The following PALM3 variants were observed in gnomAD, a reference collection of about 807,000 sequenced individuals.
PALM3 encodes the protein paralemmin 3.
In PALM3, 20 loss-of-function variants were observed where a neutral mutation model predicts 27.9. The ratio of observed to expected loss-of-function variants is 0.72; its 90% CI spans 0.50 to 1.04. The LOEUF (loss-of-function observed/expected upper bound fraction) is 1.04. Among genes scored for constraint, PALM3 ranks in the 50% least tolerant of loss-of-function variants. The pLI, the probability that PALM3 is intolerant of heterozygous loss-of-function variation, is 0.00. For synonymous variants in PALM3, 328 were observed against 352.7 expected (o/e 0.93, Z 0.79); for missense variants, 814 against 869.4 (o/e 0.94, Z 0.80).
chr19:14,055,294 T>A lies in PALM3; in HGVS notation c.446-68A>T. ...CAGGGTTAAGATGGAACAAAAGGAC[T>A]GCCATCCACACTCCCCTTGAGTCAC... On this transcript the variant is annotated intron_variant, in intron 6 of 6. Coordinates refer to ENST00000669674, the MANE Select transcript of PALM3 (RefSeq NM_001145028.2). The A allele has an allele frequency of 4.3e-6, 6 of 1,391,590 alleles. No individual in the cohort carries two copies. The African/African-American group carries it at 2.1e-4, about 48-fold the overall frequency. 86.2% of individuals were successfully genotyped at this position (1,391,590 alleles called of 1,614,324 possible).
At chr19:14,059,255 G>T (rs1466603451) in intron 1 of PALM3, 92 bp from the exon 2 acceptor site, 3 of 1,231,442 alleles carry the variant, frequency 2.4e-6, no homozygotes, top group Admixed American at 8.0e-5. Context: ...ATTGCCCCGA[G>T]CCCAGCACTT....
chr19:14,056,922 A>T, intron 3 of PALM3, 118 bp from the exon 4 acceptor site: 2 of 943,964 alleles, frequency 2.1e-6, no homozygotes, highest in Non-Finnish European at 3.0e-6. Context: ...ACCAGTTGCG[A>T]CATACATCAG....
intron 1 of PALM3, 144 bp downstream of exon 1, chr19:14,061,795 TG>T: frequency 4.1e-6 from 1 of 242,146 alleles, no homozygotes. Context: ...GATGAGCCTA[TG>T]GGGTTGGCTA....
intron 3 of PALM3, 29 bp from the exon 4 acceptor site, chr19:14,056,833 G>A: frequency 1.3e-6 from 2 of 1,525,772 alleles, no homozygotes; most frequent in Non-Finnish European, 1.8e-6. Context: ...TTGGGGCTGG[G>A]CATACAGACT....
chr19:14,059,426 A>G (rs1015944712), intron 1 of PALM3, among the ~76,000 whole-genome samples: 3 of 152,034 alleles, frequency 2.0e-5, no homozygotes, highest in Non-Finnish European at 4.4e-5. Flanking sequence ...ATGGGCAGGA[A>G]TAGCTTGACC....
Position 14,054,108 on chromosome 19 carries a change from C to G in PALM3, c.1564G>C (p.Glu522Gln). Reference sequence around the variant, plus strand: ...AGTGTCTCCTCCCCTCCCTTTCTCTCTGCCTCCAGTGGTTCTTTGGTTGCC... The same window carrying G: ...AGTGTCTCCTCCCCTCCCTTTCTCTGTGCCTCCAGTGGTTCTTTGGTTGCC... ...PEATKEPLEA[E>Q]RKGGEETLEA... Residue 522 changes from glutamate (E) to glutamine (Q), a missense_variant, in exon 7 of 7, where the codon GAG becomes CAG. Glu to Gln is a conservative substitution (Grantham distance 29). Transcript: ENST00000669674. 1.3e-6 allele frequency: 2 copies of G among 1,551,782 alleles called. No homozygotes were observed. Among genetic ancestry groups the G allele is most frequent in the South Asian group, 1.2e-5 (1 of 84,054 alleles).
intron 1 of PALM3, among the ~76,000 whole-genome samples, chr19:14,060,922 G>C (rs149340507): frequency 6.6e-6 from 1 of 152,096 alleles, no homozygotes. Flanking sequence ...CACCAAGCCC[G>C]GCTAATTTTT....
chr19:14,057,039 C>T, intron 3 of PALM3: 1 of 593,622 alleles, frequency 1.7e-6, no homozygotes, highest in South Asian at 2.1e-5. Context: ...AAATCAATGT[C>T]CCTCCCTACT....
chr19:14,061,241 G>A (rs552190528), intron 1 of PALM3, among the ~76,000 whole-genome samples: 2 of 152,304 alleles, frequency 1.3e-5, no homozygotes, highest in South Asian at 4.1e-4. Flanking sequence ...TTTGTAGTTG[G>A]TGAATAATGC....
intron 5 of PALM3, among the ~76,000 whole-genome samples, chr19:14,056,053 G>A (rs1976298330): frequency 6.6e-6 from 1 of 152,110 alleles, no homozygotes; most frequent in Non-Finnish European, 1.5e-5. Flanking sequence ...GGACTACAGG[G>A]ACACACCACC....
intron 1 of PALM3, among the ~76,000 whole-genome samples, chr19:14,061,610 A>G (rs1307359311): frequency 6.6e-6 from 1 of 152,064 alleles, no homozygotes; most frequent in Non-Finnish European, 1.5e-5. Flanking sequence ...TTAGGGGCAA[A>G]ACGTGGAACC....
At chr19:14,057,630 G>A (rs1158245575) in intron 2 of PALM3, 199 bp from the exon 3 acceptor site, 3 of 270,526 alleles carry the variant, frequency 1.1e-5, no homozygotes, top group African/African-American at 6.9e-5. Context: ...ACTCAGCGGC[G>A]GGCGGAGTGG....
chr19:14,060,104 A>G (rs1480886116), intron 1 of PALM3, among the ~76,000 whole-genome samples: 1 of 152,024 alleles, frequency 6.6e-6, no homozygotes, highest in Non-Finnish European at 1.5e-5. Context: ...GTCACAGGCC[A>G]GTATCTAGAA....
chr19:14,057,481 C>CA, intron 2 of PALM3, 50 bp from the exon 3 acceptor site: 1 of 1,431,340 alleles, frequency 7.0e-7, no homozygotes, highest in Non-Finnish European at 9.4e-7. Context: ...CGGCCTCCAC[C>CA]ACCTCCTCTT....
intron 1 of PALM3, among the ~76,000 whole-genome samples, chr19:14,061,048 A>G (rs933763976): frequency 6.6e-6 from 1 of 152,216 alleles, no homozygotes; most frequent in Non-Finnish European, 1.5e-5. Flanking sequence ...GGCGTGAGCC[A>G]CCGTGCCCGG....
At position 14,055,016 on chromosome 19, in the gene PALM3, G is replaced by A. The variant is rs1289336669; in HGVS notation, c.656C>T (p.Pro219Leu). Residue 219 changes from proline (P) to leucine (L), a missense_variant, in exon 7 of 7, where the codon CCA becomes CTA. Transcript: ENST00000669674. ...PEQGLSQRAV[P>L]SEGRVGEAKG... ...GGCCTCACCCACCCGCCCTTCGGAT[G>A]GCACTGCCCTCTGACTTAGCCCCTG... is the stretch of plus-strand genomic sequence containing the variant. 1 of 1,549,234 alleles carries A rather than the reference G, an allele frequency of 6.5e-7. No individual in the cohort carries two copies. The highest frequency in any genetic ancestry group is 8.7e-7 in the Non-Finnish European group (1 of 1,145,724).
At position 14,054,850 on chromosome 19, in the gene PALM3, A is replaced by G; in HGVS notation, c.822T>C (p.Gly274=). ...LEAIGDRKGA[G]SLELPAWVKE... ...TCACCCAGGCCGGGAGCTCCAGGCT[A>G]CCAGCTCCCTTCCTGTCTCCGATGG... Residue 274 remains glycine, a synonymous_variant, in exon 7 of 7, where the codon GGT becomes GGC. Coordinates refer to ENST00000669674, the MANE Select transcript of PALM3 (RefSeq NM_001145028.2). 1 of 1,548,668 alleles carries G rather than the reference A, an allele frequency of 6.5e-7. No individual in the cohort carries two copies. The highest frequency in any genetic ancestry group is 8.7e-7 in the Non-Finnish European group (1 of 1,146,182).
chr19:14,058,989 A>C, intron 2 of PALM3, 126 bp downstream of exon 2: 1 of 802,352 alleles, frequency 1.2e-6, no homozygotes, highest in Non-Finnish European at 1.8e-6. Context: ...GGGCTGGAGA[A>C]TTGGTGTGGG....
chr19:14,059,213 C>G, intron 1 of PALM3, 50 bp from the exon 2 acceptor site: 5 of 1,426,316 alleles, frequency 3.5e-6, no homozygotes, highest in Non-Finnish European at 4.6e-6. Context: ...TGAACGCCCC[C>G]CTCTTGGCCA....
Sources: allele counts gnomAD v4.1 joint callset (sites outside exome capture counted in the v4.1 genomes callset), GRCh38; gene constraint gnomAD v4.1.1; transcripts MANE v1.5; gene names NCBI Gene and HGNC (gene_info 2026-07-23, HGNC 2026-07-21).